APAF1: variants seen among roughly 807,000 people sequenced by gnomAD.
The protein encoded by APAF1 is apoptotic protease-activating factor 1.
In APAF1, 91 loss-of-function variants were observed where a neutral mutation model predicts 152.4. That is an observed-to-expected ratio of 0.60 (90% confidence interval 0.50 to 0.71). The LOEUF (loss-of-function observed/expected upper bound fraction) is 0.71, where lower values mean the gene tolerates loss of function less well. Ranked by LOEUF, APAF1 falls within the 30% of genes least tolerant of loss-of-function variation. APAF1 has a pLI of 0.00. For synonymous variants in APAF1, 484 were observed against 494.1 expected, an observed-to-expected ratio of 0.98 and a Z score of 0.27; for missense variants, 1,283 against 1,472.0, an observed-to-expected ratio of 0.87 and a Z score of 2.10.
intron 1 of APAF1, 54 bp from the exon 2 acceptor site, chr12:98,648,265 G>T (rs1190874471): frequency 6.9e-7 from 1 of 1,450,090 alleles, no homozygotes. Context: ...GTGAGATTAT[G>T]TATCTTTTCA....
intron 26 of APAF1, among the ~76,000 whole-genome samples, chr12:98,731,182 G>A (rs1296422207): frequency 6.6e-6 from 1 of 152,152 alleles, no homozygotes; most frequent in Non-Finnish European, 1.5e-5. Context: ...GTAAATTGAT[G>A]TAATGATAAT....
At chr12:98,711,225 C>T (rs760324432) in intron 20 of APAF1, among the ~76,000 whole-genome samples, 1 of 152,072 alleles carries the variant, frequency 6.6e-6, no homozygotes, top group Non-Finnish European at 1.5e-5. Flanking sequence ...ATTTAGTGTC[C>T]TCATGCTTGT....
In APAF1 at chr12:98,648,704, A is replaced by G; in HGVS notation, c.217A>G (p.Asn73Asp). The change falls in exon 3 of 27, where the codon AAT becomes GAT. Residue 73 changes from asparagine (N) to aspartate (D), a missense_variant. Asn to Asp is a conservative substitution (Grantham distance 23). Coordinates refer to ENST00000551964, the MANE Select transcript of APAF1 (RefSeq NM_181861.2). ...KDNDSYVSFY[N>D]ALLHEGYKDL... ...TAATGATTCCTACGTATCATTCTACAATGCTCTACTACATGAAGGATATAA... is the reference window on the plus strand; with the variant it reads ...TAATGATTCCTACGTATCATTCTACGATGCTCTACTACATGAAGGATATAA... 1 of 1,613,644 alleles carries G rather than the reference A, an allele frequency of 6.2e-7. No individual in the cohort carries two copies. The highest frequency in any genetic ancestry group is 8.5e-7 in the Non-Finnish European group (1 of 1,179,618).
Position 98,648,817 on chromosome 12 carries a change from T to C in APAF1, c.328+2T>C. 2 of 1,612,686 alleles carry C rather than the reference T, an allele frequency of 1.2e-6. No individual in the cohort carries two copies. Among genetic ancestry groups the C allele is most frequent in the Non-Finnish European group, 1.7e-6 (2 of 1,178,976 alleles). ...CAGTTAGTGGAATAACTTCGTATGG[T>C]TTGTATCCATTATACCTTCTATCAC... On this transcript the variant is annotated splice_donor_variant, in intron 3 of 26. Transcript: ENST00000551964. LOFTEE classifies it high-confidence loss of function.
chr12:98,672,233 T>A (rs891537166), intron 12 of APAF1, among the ~76,000 whole-genome samples: 1 of 152,084 alleles, frequency 6.6e-6, no homozygotes, highest in Non-Finnish European at 1.5e-5. Flanking sequence ...GGTGTGATCT[T>A]GGCTCACTGC....
chr12:98,689,695 C>T (rs1301317130), intron 16 of APAF1, among the ~76,000 whole-genome samples: 4 of 152,096 alleles, frequency 2.6e-5, no homozygotes, highest in Admixed American at 2.0e-4. Context: ...TAAGCTCAAG[C>T]GATCCTCCCA....
Position 98,725,466 on chromosome 12 carries a change from G to A in APAF1, c.3382G>A (p.Gly1128Ser), listed in dbSNP as rs772027707. 1.7e-5 allele frequency: 27 copies of A among 1,614,116 alleles called. No homozygotes were observed. Among genetic ancestry groups the A allele is most frequent in the Admixed American group, 1.7e-4 (10 of 60,016 alleles). ...LPLHELRGHNGCVRCSAFSVD... is the reference protein window; with the variant it reads ...LPLHELRGHNSCVRCSAFSVD... Reference sequence around the variant, plus strand: ...ACTTCATGAATTGAGGGGCCACAACGGCTGTGTGCGCTGCTCTGCCTTCTC... The same window carrying A: ...ACTTCATGAATTGAGGGGCCACAACAGCTGTGTGCGCTGCTCTGCCTTCTC... Residue 1128 changes from glycine (G) to serine (S), a missense_variant, in exon 25 of 27, where the codon GGC becomes AGC. Physicochemically the swap from Gly to Ser is moderately conservative, Grantham distance 56 (BLOSUM62 0). Transcript: ENST00000551964.
chr12:98,664,383 G>C, intron 7 of APAF1, among the ~76,000 whole-genome samples: 1 of 151,972 alleles, frequency 6.6e-6, no homozygotes, highest in East Asian at 1.9e-4. Flanking sequence ...TATTACAAAG[G>C]GTGATGCATG....
At position 98,650,431 on chromosome 12, in the gene APAF1, A is replaced by T. The variant is rs1291986794; in HGVS notation, c.526+747A>T. On this transcript the variant is annotated intron_variant, in intron 4 of 26. Coordinates refer to ENST00000551964, the MANE Select transcript of APAF1 (RefSeq NM_181861.2). Reference sequence around the variant, plus strand: ...AACCTAGGAGGCGGAGGTTGCAGTGAGCTGAGATCGCACCACTGCACTCCA... The same window carrying T: ...AACCTAGGAGGCGGAGGTTGCAGTGTGCTGAGATCGCACCACTGCACTCCA... Among the ~76,000 whole-genome samples the T allele has an allele frequency of 2.6e-5, 4 of 152,128 alleles. No individual in the cohort carries two copies. In the East Asian group the frequency reaches 7.7e-4, roughly 29 times the overall value.
chr12:98,732,883 A>G lies in APAF1; in HGVS notation c.*317A>G, dbSNP rs977602094. ...AAAATGGTTGACATAATTAATGAGA[A>G]GAATTTGGAAGAAATTGGTATTTTA... On this transcript the variant is annotated 3_prime_UTR_variant, in exon 27 of 27. Coordinates refer to ENST00000551964, the MANE Select transcript of APAF1 (RefSeq NM_181861.2). The G allele has an allele frequency of 3.2e-6, 1 of 314,878 alleles. No individual in the cohort carries two copies. Among genetic ancestry groups the G allele is most frequent in the African/African-American group, 2.2e-5 (1 of 45,270 alleles). 19.5% of individuals were successfully genotyped at this position (314,878 alleles called of 1,614,324 possible). A position where few individuals can be genotyped will look rare whatever the true frequency, so the allele number is the denominator to read the frequency against.
In APAF1 at chr12:98,666,223, G is replaced by A. The variant is rs780618856; in HGVS notation, c.1228G>A (p.Glu410Lys). 1 of 1,613,964 alleles carries A rather than the reference G, an allele frequency of 6.2e-7. No homozygotes were observed. The highest frequency in any genetic ancestry group is 8.5e-7 in the Non-Finnish European group (1 of 1,179,904). ...TATTCTCTGGGACATGGAAACTGAA[G>A]AAGTTGAAGACATACTGCAGGAGTT... ...LCILWDMETE[E>K]VEDILQEFVN... The change falls in exon 9 of 27, where the codon GAA becomes AAA. Residue 410 changes from glutamate (E) to lysine (K), a missense_variant. Coordinates refer to ENST00000551964, the MANE Select transcript of APAF1 (RefSeq NM_181861.2).
chr12:98,677,475 CAG>C lies in APAF1; in HGVS notation c.1846_1847del (p.Asp616CysfsTer9). 6.2e-7 allele frequency: 1 copy of C among 1,614,144 alleles called. No homozygotes were observed. The highest frequency in any genetic ancestry group is 8.5e-7 in the Non-Finnish European group (1 of 1,180,022). On this transcript the variant is annotated frameshift_variant, in exon 13 of 27. Transcript: ENST00000551964. LOFTEE classifies it high-confidence loss of function. ...TCCCGCTTAGTTGTCCGCCCCCACA[CAG>C]ATGCTGTTTACCATGCCTGCTTTTC...
At chr12:98,715,588 C>G in intron 22 of APAF1, 36 bp downstream of exon 22, 1 of 1,609,280 alleles carries the variant, frequency 6.2e-7, no homozygotes, top group Non-Finnish European at 8.5e-7. Flanking sequence ...ATATTTAATG[C>G]TGATTCTAGC....
Position 98,671,665 on chromosome 12 carries a change from C to G in APAF1, c.1739C>G (p.Ala580Gly). ...EPETSEVYQQ[A>G]KLQAKQEVDN... The stretch of plus-strand genomic sequence containing the variant: ...GAAACTTCAGAAGTTTATCAGCAAG[C>G]TAAGCTGCAGGCCAAGCAGGAGGTC... The change falls in exon 12 of 27, where the codon GCT becomes GGT. Residue 580 changes from alanine (A) to glycine (G), a missense_variant. Physicochemically the swap from Ala to Gly is moderately conservative, Grantham distance 60. Transcript: ENST00000551964. 1 of 1,613,974 alleles carries G rather than the reference C, an allele frequency of 6.2e-7. No individual in the cohort carries two copies. Among genetic ancestry groups the G allele is most frequent in the Non-Finnish European group, 8.5e-7 (1 of 1,180,004 alleles).
chr12:98,721,247 A>G (rs2097742268), intron 22 of APAF1, among the ~76,000 whole-genome samples: 1 of 152,232 alleles, frequency 6.6e-6, no homozygotes, highest in Non-Finnish European at 1.5e-5. Context: ...TGCAAAGGCT[A>G]TTCTTAATCT....
Position 98,665,607 on chromosome 12 carries a change from G to T in APAF1, c.1010G>T (p.Arg337Leu). ...IGALLRDFPN[R>L]WEYYLKQLQN... is the part of the protein sequence containing the mutation. ...GCACTTTTACGTGATTTTCCCAATC[G>T]CTGGGAGTACTACCTCAAACAGCTT... Residue 337 changes from arginine (R) to leucine (L), a missense_variant, in exon 8 of 27, where the codon CGC becomes CTC. Arg to Leu is a moderately radical substitution (Grantham distance 102). Coordinates refer to ENST00000551964, the MANE Select transcript of APAF1 (RefSeq NM_181861.2). 1 of 1,613,462 alleles carries T rather than the reference G, an allele frequency of 6.2e-7. No homozygotes were observed. Among genetic ancestry groups the T allele is most frequent in the Non-Finnish European group, 8.5e-7 (1 of 1,179,894 alleles).
At chr12:98,697,668 T>C (rs1490253675) in intron 16 of APAF1, among the ~76,000 whole-genome samples, 3 of 152,178 alleles carry the variant, frequency 2.0e-5, no homozygotes, top group African/African-American at 7.2e-5. Context: ...TTGTGGTGGC[T>C]TTCCCACCGT....
chr12:98,726,935 T>G (rs2097751433), intron 25 of APAF1, among the ~76,000 whole-genome samples: 1 of 152,220 alleles, frequency 6.6e-6, no homozygotes, highest in Non-Finnish European at 1.5e-5. Flanking sequence ...TCTTTTACCA[T>G]TTATGCCTCT....
intron 7 of APAF1, among the ~76,000 whole-genome samples, chr12:98,665,278 A>ATATATATATATATATATATATATATTT (rs1491316422): frequency 4.5e-5 from 3 of 65,986 alleles, no homozygotes; most frequent in Non-Finnish European, 5.9e-5. Flanking sequence ...ATATATATAT[A>ATATATATATATATATATATATATATTT]TTTTTTTTTT....
Sources: allele counts gnomAD v4.1 joint callset (sites outside exome capture counted in the v4.1 genomes callset), GRCh38; gene constraint gnomAD v4.1.1; transcripts MANE v1.5; gene names NCBI Gene and HGNC (gene_info 2026-07-23, HGNC 2026-07-21).